ZNF671: variants seen among roughly 807,000 people sequenced by gnomAD.
ZNF671 encodes hypothetical protein FLJ23506.
Under a neutral mutation model 16.6 loss-of-function variants are expected in ZNF671, and 19 were observed. That is an observed-to-expected ratio of 1.14 (90% CI 0.80 to 1.68). The LOEUF (loss-of-function observed/expected upper bound fraction) is 1.68, where lower values mean the gene tolerates loss of function less well. ZNF671 is among the 40% of genes most tolerant of loss of function. ZNF671 has a pLI of 0.00. For synonymous variants in ZNF671, 238 were observed against 236.3 expected (o/e 1.01, Z -0.06); for missense variants, 637 against 659.8 (o/e 0.97, Z 0.38).
At chr19:57,727,232 C>A in intron 1 of ZNF671, 159 bp downstream of exon 1, 4 of 1,063,312 alleles carry the variant, frequency 3.8e-6, no homozygotes, top group Middle Eastern at 3.3e-4. Context: ...CCTTTACCTG[C>A]GCCGTCCCCT....
At chr19:57,723,501 A>G (rs1985944884) in intron 1 of ZNF671, among the ~76,000 whole-genome samples, 161 bp from the exon 2 acceptor site, 2 of 152,054 alleles carry the variant, frequency 1.3e-5, no homozygotes. Flanking sequence ...CACCCCAGCA[A>G]TCACTGTGTC....
chr19:57,727,273 C>T, intron 1 of ZNF671, 118 bp downstream of exon 1: 2 of 1,405,914 alleles, frequency 1.4e-6, no homozygotes, highest in Non-Finnish European at 1.9e-6. Context: ...CCCACCCACA[C>T]CGAGATAGGA....
rs897526765 is a variant in ZNF671 at position 57,720,684 on chromosome 19, G to C, written c.1402C>G (p.Gln468Glu). 1.5e-5 allele frequency: 24 copies of C among 1,614,062 alleles called. No individual in the cohort carries two copies. The highest frequency in any genetic ancestry group is 5.9e-6 in the Non-Finnish European group (7 of 1,180,050). Residue 468 changes from glutamine to glutamate, a missense_variant, in exon 4 of 4, where the codon CAG becomes GAG. By Grantham distance (29) the Gln-to-Glu change is conservative. Coordinates refer to ENST00000317398, the MANE Select transcript of ZNF671 (RefSeq NM_024833.3). ...KAFSCISKLI[Q>E]HQKVHSGEKP... ...TCTCCAGAGTGAACTTTCTGGTGCT[G>C]AATGAGTTTGGAGATGCAGCTGAAA...
chr19:57,720,705 T>G lies in ZNF671; in HGVS notation c.1381A>C (p.Ser461Arg). The G allele has an allele frequency of 1.2e-6, 2 of 1,614,246 alleles. No individual in the cohort carries two copies. The highest frequency in any genetic ancestry group is 8.5e-7 in the Non-Finnish European group (1 of 1,180,056). Residue 461 changes from serine (S) to arginine (R), a missense_variant, in exon 4 of 4, where the codon AGC (serine) becomes CGC (arginine). Physicochemically the swap from Ser to Arg is moderately radical, Grantham distance 110 (BLOSUM62 -1). Transcript: ENST00000317398. ...TGCTGAATGAGTTTGGAGATGCAGC[T>G]GAAAGCTTTACCACATCTGCTACAC... ...YECSRCGKAF[S>R]CISKLIQHQK... is the part of the protein sequence containing the mutation.
chr19:57,726,081 C>A (rs113739340), intron 1 of ZNF671, among the ~76,000 whole-genome samples: 38,271 of 128,646 alleles, frequency 0.3, 5,711 homozygotes, highest in East Asian at 0.43. Flanking sequence ...ACGTCCCCCC[C>A]ACTCCCCCGC....
chr19:57,726,885 TATG>T, intron 1 of ZNF671: 1 of 153,800 alleles, frequency 6.5e-6, no homozygotes. Flanking sequence ...CTACCCAGAA[TATG>T]ATCACTTCTA....
Position 57,727,605 on chromosome 19 carries a change from A to G in ZNF671, c.-77T>C. ...GAACCCCGGCCAGGGACAGCCTGAC[A>G]GAAACAAAATGTCCGCTACAAGGAG... On this transcript the variant is annotated 5_prime_UTR_variant, in exon 1 of 4. Transcript: ENST00000317398. 6.5e-7 allele frequency: 1 copy of G among 1,534,096 alleles called. No homozygotes were observed. Among genetic ancestry groups the G allele is most frequent in the Non-Finnish European group, 8.8e-7 (1 of 1,135,126 alleles).
At chr19:57,721,982 C>A in intron 3 of ZNF671, 2 of 558,000 alleles carry the variant, frequency 3.6e-6, no homozygotes, top group Non-Finnish European at 6.3e-6. Context: ...AAAAATGTAT[C>A]CAGTCCCAGG....
intron 1 of ZNF671, among the ~76,000 whole-genome samples, chr19:57,726,208 A>G (rs1027912076): frequency 2.7e-5 from 4 of 149,820 alleles, no homozygotes; most frequent in African/African-American, 9.8e-5. Flanking sequence ...TGTAATCTCA[A>G]CTACTTGGGA....
Position 57,721,332 on chromosome 19 carries a change from C to T in ZNF671, c.754G>A (p.Ala252Thr). ...TCGKGRRDFSATSGLLQHQAS... is the reference protein window; with the variant it reads ...TCGKGRRDFSTTSGLLQHQAS... ...TGATGCTGAAGAAGGCCAGATGTGG[C>T]TGAAAAGTCTCTCCTACCTTTCCCA... The change falls in exon 4 of 4, where the codon GCC becomes ACC. Residue 252 changes from alanine (A) to threonine (T), a missense_variant. Transcript: ENST00000317398. The T allele has an allele frequency of 6.2e-7, 1 of 1,606,740 alleles. No homozygotes were observed. Among genetic ancestry groups the T allele is most frequent in the South Asian group, 1.1e-5 (1 of 90,504 alleles).
chr19:57,721,883 A>C (rs1985887979), intron 3 of ZNF671, 186 bp from the exon 4 acceptor site: 2 of 783,072 alleles, frequency 2.6e-6, no homozygotes, highest in Non-Finnish European at 4.0e-6. Context: ...ACCATGGGGG[A>C]GTGCCAATGA....
rs759588050 is a variant in ZNF671, at chr19:57,727,421, A to ACCGTGGGCGCGGACAGCTG, written c.89_107dup (p.Pro37SerfsTer22). ...CGGAGTCCGTTAGCTCCGCCATAGG[A>ACCGTGGGCGCGGACAGCTG]CCGTGGGCGCGGACAGCTGCCGGGA... On this transcript the variant is annotated frameshift_variant, in exon 1 of 4. Transcript: ENST00000317398. LOFTEE classifies it high-confidence loss of function. 6.8e-6 allele frequency: 11 copies of ACCGTGGGCGCGGACAGCTG among 1,612,884 alleles called. No homozygotes were observed. The South Asian group carries it at 1.2e-4, about 18-fold the overall frequency.
chr19:57,727,618 C>T lies in ZNF671; in HGVS notation c.-90G>A. ...GGACAGCCTGACAGAAACAAAATGT[C>T]CGCTACAAGGAGGAGCCGGAAGTCC... On this transcript the variant is annotated 5_prime_UTR_variant, in exon 1 of 4. Coordinates refer to ENST00000317398, the MANE Select transcript of ZNF671 (RefSeq NM_024833.3). 1 of 1,526,672 alleles carries T rather than the reference C, an allele frequency of 6.6e-7. No individual in the cohort carries two copies. Among genetic ancestry groups the T allele is most frequent in the South Asian group, 1.3e-5 (1 of 78,988 alleles). The allele number at this position is 1,526,672 out of a possible 1,614,324, so 94.6% of individuals were successfully genotyped here. A position where few individuals can be genotyped will look rare whatever the true frequency, so the allele number is the denominator to read the frequency against.
intron 1 of ZNF671, among the ~76,000 whole-genome samples, chr19:57,725,398 A>G (rs1986010347): frequency 6.6e-6 from 1 of 152,008 alleles, no homozygotes; most frequent in African/African-American, 2.4e-5. Flanking sequence ...CAGAAGGCAG[A>G]GGTTGCGGTG....
Position 57,721,098 on chromosome 19 carries a change from T to A in ZNF671, c.988A>T (p.Lys330Ter). The A allele has an allele frequency of 6.2e-7, 1 of 1,614,048 alleles. No individual in the cohort carries two copies. The highest frequency in any genetic ancestry group is 1.1e-5 in the South Asian group (1 of 91,072). Reference sequence around the variant, plus strand: ...TCTCCAGTGTGAACTGTCTGGTGTTTAAAGAGGTCATAGCTTTGGCTGAAG... The same window carrying A: ...TCTCCAGTGTGAACTGTCTGGTGTTAAAAGAGGTCATAGCTTTGGCTGAAG... ...KFFSQSYDLF[K>*]HQTVHTGERP... Residue 330 changes from lysine (K) to a stop codon, truncating the protein, a stop_gained, in exon 4 of 4, where the codon AAA becomes TAA. Transcript: ENST00000317398. LOFTEE classifies it low-confidence loss of function (END_TRUNC).
chr19:57,720,993 C>G lies in ZNF671; in HGVS notation c.1093G>C (p.Gly365Arg). The G allele has an allele frequency of 6.2e-7, 1 of 1,614,078 alleles. No homozygotes were observed. Among genetic ancestry groups the G allele is most frequent in the Non-Finnish European group, 8.5e-7 (1 of 1,180,024 alleles). ...TTGCCACACTGATAGAGTCTTTCAC[C>G]CGTGTGAACTCGCCTGTGCTCAATC... ...GLIEHRRVHT[G>R]ERLYQCGKCG... Residue 365 changes from glycine (G) to arginine (R), a missense_variant, in exon 4 of 4, where the codon GGT (glycine) becomes CGT (arginine). Physicochemically the swap from Gly to Arg is moderately radical, Grantham distance 125 (BLOSUM62 -2). Transcript: ENST00000317398.
At chr19:57,721,925 A>T in intron 3 of ZNF671, 1 of 625,406 alleles carries the variant, frequency 1.6e-6, no homozygotes. Context: ...AACCAAACAA[A>T]TGGCTTCCAG....
chr19:57,721,212 T>C lies in ZNF671; in HGVS notation c.874A>G (p.Lys292Glu). 1.9e-6 allele frequency: 3 copies of C among 1,608,220 alleles called. No homozygotes were observed. The highest frequency in any genetic ancestry group is 2.2e-5 in the East Asian group (1 of 44,806). ...QRYHRCGECG[K>E]AFTRKDTLAR... The stretch of plus-strand genomic sequence containing the variant: ...AGTGTGTCTTTGCGGGTGAAGGCTT[T>C]CCCACATTCACCACACCTGTGATAC... Residue 292 changes from lysine to glutamate, a missense_variant, in exon 4 of 4, where the codon AAA (lysine) becomes GAA (glutamate). Physicochemically the swap from Lys to Glu is moderately conservative, Grantham distance 56. Coordinates refer to ENST00000317398, the MANE Select transcript of ZNF671 (RefSeq NM_024833.3).
rs567820638 is a variant in ZNF671 at position 57,725,500 on chromosome 19, G to A, written c.138+1891C>T. 3.3e-4 allele frequency among the ~76,000 whole-genome samples: 50 copies of A among 151,926 alleles called. 1 individual carries two copies. In the South Asian group the frequency reaches 1.0e-2, roughly 30 times the overall value. ...GAAAAATTAGCGGGGTGTGGTGGTGGGCACCTGTAATCCCAGCTACTCGGG... is the reference window on the plus strand; with the variant it reads ...GAAAAATTAGCGGGGTGTGGTGGTGAGCACCTGTAATCCCAGCTACTCGGG... On this transcript the variant is annotated intron_variant, in intron 1 of 3. Transcript: ENST00000317398.
Sources: allele counts gnomAD v4.1 joint callset (sites outside exome capture counted in the v4.1 genomes callset), GRCh38; gene constraint gnomAD v4.1.1; transcripts MANE v1.5; gene names NCBI Gene and HGNC (gene_info 2026-07-23, HGNC 2026-07-21).